Variants in RBM5 observed in about 807,000 individuals in gnomAD.
RBM5 encodes the protein RNA-binding protein 5.
A neutral mutation model predicts 124.6 loss-of-function variants in RBM5; 15 were observed. The observed-to-expected ratio is 0.12, with a 90% CI of 0.08 to 0.19. The LOEUF is 0.19. Among genes scored for constraint, RBM5 ranks in the 10% least tolerant of loss-of-function variants. RBM5 has a pLI of 1.00. For missense variants in RBM5, 580 were observed against 1,026.5 expected, an observed-to-expected ratio of 0.57 and a Z score of 5.94; for synonymous variants, 337 against 361.2, an observed-to-expected ratio of 0.93 and a Z score of 0.76.
intron 17 of RBM5, 33 bp from the exon 18 acceptor site, chr3:50,113,350 T>C (rs1165951159): frequency 1.3e-6 from 2 of 1,584,846 alleles, no homozygotes; most frequent in Non-Finnish European, 1.7e-6. Context: ...GCAGAAAGTC[T>C]GCATTAATTG....
At chr3:50,108,483 T>A (rs1207245241) in intron 14 of RBM5, among the ~76,000 whole-genome samples, 179 bp downstream of exon 14, 1 of 151,892 alleles carries the variant, frequency 6.6e-6, no homozygotes, top group Non-Finnish European at 1.5e-5. Flanking sequence ...CCAAGGCAGG[T>A]GGATCACGAG....
At chr3:50,093,019 A>AC in intron 3 of RBM5, 1 of 229,502 alleles carries the variant, frequency 4.4e-6, no homozygotes, top group Non-Finnish European at 8.1e-6. Flanking sequence ...CAGTGGTGCG[A>AC]CCTCAGCTAC....
At chr3:50,115,407 C>G in intron 20 of RBM5, 21 bp from the exon 21 acceptor site, 1 of 1,608,658 alleles carries the variant, frequency 6.2e-7, no homozygotes, top group Non-Finnish European at 8.5e-7. Context: ...TTCCAGTGAC[C>G]TGTCCTCCTT....
At position 50,114,209 on chromosome 3, in the gene RBM5, C is replaced by A; in HGVS notation, c.1797C>A (p.Ile599=). Reference sequence around the variant, plus strand: ...CCTTAGCTGAAAGGCAGCAGCTCATCCCAGAATTGGTGCGAAATGGAGATG... The same window carrying A: ...CCTTAGCTGAAAGGCAGCAGCTCATACCAGAATTGGTGCGAAATGGAGATG... The part of the protein sequence containing the change: ...KGALAERQQL[I]PELVRNGDEE... The change falls in exon 20 of 25, where the codon ATC becomes ATA. Residue 599 remains isoleucine, a synonymous_variant. Coordinates refer to ENST00000347869, the MANE Select transcript of RBM5 (RefSeq NM_005778.4). 6.2e-7 allele frequency: 1 copy of A among 1,612,542 alleles called. No individual in the cohort carries two copies. The highest frequency in any genetic ancestry group is 8.5e-7 in the Non-Finnish European group (1 of 1,179,648).
chr3:50,115,564 A>G lies in RBM5; in HGVS notation c.1976A>G (p.Lys659Arg). The G allele has an allele frequency of 1.2e-6, 2 of 1,613,518 alleles. No homozygotes were observed. The highest frequency in any genetic ancestry group is 1.7e-6 in the Non-Finnish European group (2 of 1,179,852). Residue 659 changes from lysine to arginine, a missense_variant, in exon 21 of 25, where the codon AAA (lysine) becomes AGA (arginine). Transcript: ENST00000347869. Reference sequence around the variant, plus strand: ...CTCTGCCGGCGCCAGTTCCCGAACAAAGATGCCCTAGTCAGGCACCAGCAA... The same window carrying G: ...CTCTGCCGGCGCCAGTTCCCGAACAGAGATGCCCTAGTCAGGCACCAGCAA... ...CLLCRRQFPN[K>R]DALVRHQQLS...
intron 21 of RBM5, 94 bp downstream of exon 21, chr3:50,115,701 C>A: frequency 7.0e-7 from 1 of 1,420,188 alleles, no homozygotes; most frequent in Non-Finnish European, 9.6e-7. Flanking sequence ...AAAATACCTG[C>A]CATCTAATGA....
rs774071411 is a variant in RBM5, at chr3:50,115,872, A to G, written c.2020-34A>G. On this transcript the variant is annotated intron_variant, in intron 21 of 24. Coordinates refer to ENST00000347869, the MANE Select transcript of RBM5 (RefSeq NM_005778.4). ...GGACATTTCAAATTAAGATGGTCTG[A>G]GTCCTTACTGTGTCTTTCAAATCTT... is the stretch of plus-strand genomic sequence containing the variant. 1.8e-5 allele frequency: 28 copies of G among 1,562,532 alleles called. 1 individual carries two copies. The South Asian group carries it at 2.8e-4, about 16-fold the overall frequency.
intron 3 of RBM5, chr3:50,092,943 CTTTTTTTTTTTTT>C (rs530934301): frequency 1.3e-4 from 10 of 79,190 alleles, no homozygotes; most frequent in South Asian, 7.2e-4. Context: ...CTTGATATAT[CTTTTTTTTTTTTT>C]TTTTTTTTTT....
intron 6 of RBM5, chr3:50,102,400 A>G (rs2090956994): frequency 6.6e-6 from 1 of 152,152 alleles, no homozygotes; most frequent in Admixed American, 6.5e-5. Flanking sequence ...CACCTTGAAG[A>G]GAGTACCATC....
intron 18 of RBM5, among the ~76,000 whole-genome samples, 176 bp downstream of exon 18, chr3:50,113,720 AG>A (rs1235209759): frequency 2.0e-5 from 3 of 152,236 alleles, no homozygotes; most frequent in Admixed American, 6.5e-5. Flanking sequence ...CTTGACTGTC[AG>A]CCTGTGTACT....
In RBM5 at chr3:50,117,217, T is replaced by A. The variant is rs569202462; in HGVS notation, c.2193-33T>A. On this transcript the variant is annotated intron_variant, in intron 23 of 24. Coordinates refer to ENST00000347869, the MANE Select transcript of RBM5 (RefSeq NM_005778.4). This position sits in a 1 kb window ranked among gnomAD's most constrained non-coding sequence, Gnocchi z 4.2. ...CCAGTTCGTAAGCTGGGGCCCTGGC[T>A]GTTTTAAGTAACTGTGTGTTTGCCA... is the stretch of plus-strand genomic sequence containing the variant. 6.2e-7 allele frequency: 1 copy of A among 1,614,206 alleles called. No homozygotes were observed. Among genetic ancestry groups the A allele is most frequent in the African/African-American group, 1.3e-5 (1 of 75,070 alleles).
chr3:50,097,632 T>A (rs915496731), intron 4 of RBM5, among the ~76,000 whole-genome samples: 3 of 152,206 alleles, frequency 2.0e-5, no homozygotes, highest in African/African-American at 7.2e-5. Context: ...AAGAGACTAG[T>A]ATATTTTTGT....
chr3:50,112,742 G>C (rs2091171653), intron 17 of RBM5: 1 of 152,270 alleles, frequency 6.6e-6, no homozygotes, highest in Admixed American at 6.5e-5. Context: ...ACCTGTTCTG[G>C]CTGCCTGGTT....
Position 50,105,116 on chromosome 3 carries a change from T to G in RBM5, c.668T>G (p.Val223Gly), listed in dbSNP as rs746903138. 2 of 1,597,856 alleles carry G rather than the reference T, an allele frequency of 1.3e-6. No individual in the cohort carries two copies. The highest frequency in any genetic ancestry group is 1.1e-5 in the South Asian group (1 of 90,656). ...GTGCCTCCTGGAACCACAGAGTCGGTTCAGTCTGTGGATTACTACTGTGAT... is the reference window on the plus strand; with the variant it reads ...GTGCCTCCTGGAACCACAGAGTCGGGTCAGTCTGTGGATTACTACTGTGAT... ...QEVPPGTTESVQSVDYYCDTI... is the reference protein window; with the variant it reads ...QEVPPGTTESGQSVDYYCDTI... The change falls in exon 9 of 25, where the codon GTT (valine) becomes GGT (glycine). Residue 223 changes from valine (V) to glycine (G), a missense_variant. By Grantham distance (109) the Val-to-Gly change is moderately radical. This residue lies in a region of RBM5 where 101 missense variants were observed against 223.2 expected (regional missense o/e 0.45). Transcript: ENST00000347869.
rs1575319438 is a variant in RBM5 at position 50,104,468 on chromosome 3, G to T, written c.628+160G>T. The T allele has an allele frequency of 6.0e-6, 4 of 664,176 alleles. No homozygotes were observed. In the East Asian group the frequency reaches 8.4e-5, roughly 14 times the overall value. 41.1% of individuals were successfully genotyped at this position (664,176 alleles called of 1,614,324 possible). A position where few individuals can be genotyped will look rare whatever the true frequency, so the allele number is the denominator to read the frequency against. On this transcript the variant is annotated intron_variant, in intron 8 of 24. Coordinates refer to ENST00000347869, the MANE Select transcript of RBM5 (RefSeq NM_005778.4). The stretch of plus-strand genomic sequence containing the variant: ...GCCTGGCAAGAGATAGCAAGACCCT[G>T]CCTGTACAAAAAAAGAAATTTTAAA...
Position 50,106,650 on chromosome 3 carries a change from A to AT in RBM5, c.856-116dup, listed in dbSNP as rs373055080. ...TTGAGGTTTCATATCTGCAAACACAATAAGGAATTAATTGCCTTTTATTTT... is the reference window on the plus strand; with the variant it reads ...TTGAGGTTTCATATCTGCAAACACAATTAAGGAATTAATTGCCTTTTATTTT... On this transcript the variant is annotated intron_variant, in intron 10 of 24. Coordinates refer to ENST00000347869, the MANE Select transcript of RBM5 (RefSeq NM_005778.4). The AT allele has an allele frequency of 6.4e-4, 455 of 705,790 alleles. 3 individuals carry two copies. The East Asian group carries it at 0.012, about 18-fold the overall frequency. The allele number at this position is 705,790 out of a possible 1,614,324, so 43.7% of individuals were successfully genotyped here.
intron 4 of RBM5, among the ~76,000 whole-genome samples, chr3:50,097,672 A>G (rs950116213): frequency 5.9e-5 from 9 of 152,164 alleles, no homozygotes; most frequent in Non-Finnish European, 8.8e-5. Flanking sequence ...TTGGTCTGAC[A>G]TTGGAACAAG....
At chr3:50,094,877 A>G (rs2090779449) in intron 4 of RBM5, among the ~76,000 whole-genome samples, 2 of 152,130 alleles carry the variant, frequency 1.3e-5, no homozygotes, top group South Asian at 4.1e-4. Flanking sequence ...TTTAGGGAAA[A>G]GTTCACTGAA....
chr3:50,104,203 T>G (rs771983645), intron 7 of RBM5, 45 bp from the exon 8 acceptor site: 1 of 1,548,204 alleles, frequency 6.5e-7, no homozygotes, highest in Admixed American at 1.7e-5. Flanking sequence ...CTAGAAAGCC[T>G]GGCCTAATGT....
Sources: gnomAD v4.1 joint callset for allele counts (sites outside exome capture counted in the v4.1 genomes callset) on GRCh38, gnomAD v4.1.1 for gene constraint, gnomAD v4.1.1 regional missense constraint, Gnocchi (gnomAD v3.1) non-coding constraint, MANE v1.5 for transcripts, NCBI Gene and HGNC (gene_info 2026-07-23, HGNC 2026-07-21) for gene names.